The following USP7 variants were observed in gnomAD, a reference collection of about 807,000 sequenced individuals.
USP7 encodes the protein ubiquitin specific peptidase 7.
A neutral mutation model predicts 162.9 loss-of-function variants in USP7; 9 were observed. The ratio of observed to expected loss-of-function variants is 0.06; its 90% confidence interval spans 0.03 to 0.10. USP7 has a LOEUF of 0.10. USP7 is among the 10% of genes least tolerant of loss of function. USP7 has a pLI of 1.00. For missense variants in USP7, 715 were observed against 1,373.7 expected, an observed-to-expected ratio of 0.52 and a Z score of 7.58; for synonymous variants, 562 against 475.9, an observed-to-expected ratio of 1.18 and a Z score of -2.35.
At chr16:8,960,830 T>C (rs1325370115) in intron 1 of USP7, among the ~76,000 whole-genome samples, 3 of 152,202 alleles carry the variant, frequency 2.0e-5, no homozygotes, top group Admixed American at 1.3e-4. Context: ...AAGGCTGAAA[T>C]AGATGGCCTA....
chr16:8,960,614 G>GT (rs1166921507), intron 1 of USP7, among the ~76,000 whole-genome samples: 1 of 152,294 alleles, frequency 6.6e-6, no homozygotes, highest in Non-Finnish European at 1.5e-5. Flanking sequence ...GTTTCCAGCT[G>GT]CTAGTTCGTT....
intron 1 of USP7, among the ~76,000 whole-genome samples, chr16:8,938,437 G>A (rs1049736707): frequency 4.6e-5 from 7 of 152,154 alleles, no homozygotes; most frequent in African/African-American, 1.7e-4. Flanking sequence ...AGGGGGCCGG[G>A]CACGGTGGCT....
Position 8,892,977 on chromosome 16 carries a change from A to T in USP7, c.*1021T>A, listed in dbSNP as rs2061622906. 1 of 152,214 alleles carries T rather than the reference A, an allele frequency of 6.6e-6. No homozygotes were observed. Among genetic ancestry groups the T allele is most frequent in the South Asian group, 2.1e-4 (1 of 4,828 alleles). 9.4% of individuals were successfully genotyped at this position (152,214 alleles called of 1,614,324 possible). A position where few individuals can be genotyped will look rare whatever the true frequency, so the allele number is the denominator to read the frequency against. ...GGCATTAGCTCCAAAATAAAAGGAA[A>T]CGGGGCTGGGACCGAAATAAAACTA... On this transcript the variant is annotated 3_prime_UTR_variant, in exon 31 of 31. Coordinates refer to ENST00000344836, the MANE Select transcript of USP7 (RefSeq NM_003470.3).
chr16:8,957,773 A>C (rs549796695), intron 1 of USP7, among the ~76,000 whole-genome samples: 9 of 148,230 alleles, frequency 6.1e-5, no homozygotes, highest in African/African-American at 1.0e-4. Context: ...TAAAAAAAAA[A>C]CAAAAAAAAA....
chr16:8,895,175 G>T (rs2061661929), intron 27 of USP7, 25 bp from the exon 28 acceptor site: 1 of 1,614,068 alleles, frequency 6.2e-7, no homozygotes, highest in Non-Finnish European at 8.5e-7. Context: ...AACAGACACA[G>T]TTCTGTAAGT....
intron 1 of USP7, among the ~76,000 whole-genome samples, chr16:8,957,362 ATGT>A (rs1899851356): frequency 6.6e-6 from 1 of 152,228 alleles, no homozygotes; most frequent in African/African-American, 2.4e-5. Flanking sequence ...GGCAAGAAAT[ATGT>A]TGTTACAACT....
chr16:8,927,342 T>G (rs530693260), intron 2 of USP7, among the ~76,000 whole-genome samples: 1 of 151,804 alleles, frequency 6.6e-6, no homozygotes, highest in East Asian at 1.9e-4. Flanking sequence ...GAAAGAAAGT[T>G]AAAGAAAAAC....
intron 23 of USP7, 77 bp from the exon 24 acceptor site, chr16:8,898,716 G>T: frequency 8.3e-7 from 1 of 1,203,638 alleles, no homozygotes; most frequent in Non-Finnish European, 1.2e-6. Context: ...GAGCATAAAA[G>T]CAAACCGCTG....
At chr16:8,955,740 CAATT>C in intron 1 of USP7, among the ~76,000 whole-genome samples, 1 of 143,724 alleles carries the variant, frequency 7.0e-6, no homozygotes, top group East Asian at 2.1e-4. Flanking sequence ...TGCACAGGGT[CAATT>C]AAGAGTCATG....
intron 1 of USP7, among the ~76,000 whole-genome samples, chr16:8,947,772 T>G (rs909919908): frequency 6.6e-6 from 1 of 152,186 alleles, no homozygotes; most frequent in Non-Finnish European, 1.5e-5. Flanking sequence ...ATCAAAAACT[T>G]AGCTATTCCA....
At chr16:8,921,642 C>A (rs1567225767) in intron 3 of USP7, among the ~76,000 whole-genome samples, 1 of 152,210 alleles carries the variant, frequency 6.6e-6, no homozygotes, top group Non-Finnish European at 1.5e-5. Flanking sequence ...TACAGCCCTT[C>A]AGTGCCATGC....
Position 8,894,454 on chromosome 16 carries a change from C to G in USP7, c.3202+96G>C, listed in dbSNP as rs574160532. 1.0e-5 allele frequency: 13 copies of G among 1,243,738 alleles called. No individual in the cohort carries two copies. The South Asian group carries it at 1.7e-4, about 17-fold the overall frequency. 77.0% of individuals were successfully genotyped at this position (1,243,738 alleles called of 1,614,324 possible). On this transcript the variant is annotated intron_variant, in intron 30 of 30. Transcript: ENST00000344836. ...AGGTCGGCCAGTGGAGAGAGAGGAG[C>G]TGGCACTTGACCCTGGGGCTGCCCC...
chr16:8,909,212 G>C (rs146792298), intron 11 of USP7, among the ~76,000 whole-genome samples: 84 of 152,218 alleles, frequency 5.5e-4, no homozygotes, highest in South Asian at 1.9e-3. Flanking sequence ...TGCCTATCTC[G>C]ACCACGGCCA....
At chr16:8,948,265 C>A (rs769900956) in intron 1 of USP7, among the ~76,000 whole-genome samples, 9 of 152,224 alleles carry the variant, frequency 5.9e-5, no homozygotes, top group Non-Finnish European at 1.2e-4. Flanking sequence ...TCACTGCAGC[C>A]TCAACTTCCT....
chr16:8,894,829 C>A lies in USP7; in HGVS notation c.3066G>T (p.Lys1022Asn). The A allele has an allele frequency of 3.1e-6, 5 of 1,614,206 alleles. No homozygotes were observed. The highest frequency in any genetic ancestry group is 3.4e-6 in the Non-Finnish European group (4 of 1,180,044). The change falls in exon 29 of 31, where the codon AAG becomes AAT. Residue 1022 changes from lysine to asparagine, a missense_variant. This residue lies in a region of USP7 where 222 missense variants were observed against 441.7 expected (regional missense o/e 0.50). Coordinates refer to ENST00000344836, the MANE Select transcript of USP7 (RefSeq NM_003470.3). Reference sequence around the variant, plus strand: ...GGATGTCCAGCAGGCTCTGGATTCGCTTCATCACTTCTCGAAAATGCTCGC... The same window carrying A: ...GGATGTCCAGCAGGCTCTGGATTCGATTCATCACTTCTCGAAAATGCTCGC... The part of the protein sequence containing the change: ...HQGEHFREVM[K>N]RIQSLLDIQE...
In USP7 at chr16:8,910,971, G is replaced by A. The variant is rs969059733; in HGVS notation, c.1079-144C>T. On this transcript the variant is annotated intron_variant, in intron 10 of 30. Transcript: ENST00000344836. ...ACAGTAACTCTCCCCCTGTAGCCAA[G>A]ACTGTAGGTAAATGTGCTGTTAGCA... 4.4e-6 allele frequency: 3 copies of A among 688,944 alleles called. No individual in the cohort carries two copies. In the African/African-American group the frequency reaches 5.4e-5, roughly 12 times the overall value. 42.7% of individuals were successfully genotyped at this position (688,944 alleles called of 1,614,324 possible). A position where few individuals can be genotyped will look rare whatever the true frequency, so the allele number is the denominator to read the frequency against.
chr16:8,911,210 T>C (rs2447915), intron 10 of USP7, among the ~76,000 whole-genome samples: 51,999 of 152,120 alleles, frequency 0.34, 9,128 homozygotes, highest in Middle Eastern at 0.44. Flanking sequence ...TGTGGCAGAA[T>C]GACAAGGAAA....
chr16:8,905,076 C>G, intron 14 of USP7, 111 bp downstream of exon 14: 1 of 1,375,740 alleles, frequency 7.3e-7, no homozygotes, highest in Non-Finnish European at 1.0e-6. Context: ...GCTGTGAATA[C>G]AATGGAATAA....
intron 1 of USP7, among the ~76,000 whole-genome samples, chr16:8,957,991 CTCTT>C (rs750444238): frequency 4.2e-4 from 64 of 152,316 alleles, no homozygotes; most frequent in Non-Finnish European, 7.3e-4. Context: ...GCTTCAGCGT[CTCTT>C]TCTCAGAGCC....
Sources: gnomAD v4.1 joint callset for allele counts (sites outside exome capture counted in the v4.1 genomes callset) on GRCh38, gnomAD v4.1.1 for gene constraint, gnomAD v4.1.1 regional missense constraint, MANE v1.5 for transcripts, NCBI Gene and HGNC (gene_info 2026-07-23, HGNC 2026-07-21) for gene names.